Variants in NOSTRIN observed in about 807,000 individuals in gnomAD.
NOSTRIN encodes BM247 homolog.
Under a neutral mutation model 59.0 loss-of-function variants are expected in NOSTRIN, and 63 were observed. The ratio of observed to expected loss-of-function variants is 1.07; its 90% CI spans 0.87 to 1.32. NOSTRIN has a LOEUF of 1.32. Among genes scored for constraint, NOSTRIN ranks in the 40% most tolerant of loss-of-function variants. The pLI, the probability that NOSTRIN is intolerant of heterozygous loss-of-function variation, is 0.00. For synonymous variants in NOSTRIN, 200 were observed against 165.4 expected (o/e 1.21, Z -1.61); for missense variants, 512 against 473.1 (o/e 1.08, Z -0.76).
chr2:168,828,251 C>T (rs1311680442), intron 4 of NOSTRIN, 31 bp downstream of exon 4: 3 of 872,898 alleles, frequency 3.4e-6, no homozygotes, highest in Non-Finnish European at 6.0e-6. Context: ...CTTTCTCCAA[C>T]TCCAAAGGGA....
At position 168,834,250 on chromosome 2, in the gene NOSTRIN, T is replaced by C. The variant is rs775793562; in HGVS notation, c.429T>C (p.Ser143=). The change falls in exon 7 of 16, where the codon AGT becomes AGC. Residue 143 remains serine (S), a synonymous_variant. Transcript: ENST00000317647. ...QIKAKKKLMV[S]TKKHEALFQL... ...AGGCCAAGAAGAAATTAATGGTTAG[T>C]ACCAAGAAACATGAAGCACTTTTCC... The C allele has an allele frequency of 3.0e-5, 26 of 872,802 alleles. No individual in the cohort carries two copies. Among genetic ancestry groups the C allele is most frequent in the Non-Finnish European group, 5.0e-5 (25 of 501,670 alleles). The allele number at this position is 872,802 out of a possible 1,614,324, so 54.1% of individuals were successfully genotyped here. A position where few individuals can be genotyped will look rare whatever the true frequency, so the allele number is the denominator to read the frequency against.
chr2:168,799,342 C>G (rs1020973057), upstream of NOSTRIN, among the ~76,000 whole-genome samples: 1 of 152,100 alleles, frequency 6.6e-6, no homozygotes, highest in African/African-American at 2.4e-5. Flanking sequence ...ATATTAATTC[C>G]AAAACTACAA....
At chr2:168,857,177 A>G (rs967553757) in intron 12 of NOSTRIN, among the ~76,000 whole-genome samples, 1 of 152,218 alleles carries the variant, frequency 6.6e-6, no homozygotes, top group Non-Finnish European at 1.5e-5. Context: ...CTCATCCGCA[A>G]AATGGGGATA....
intron 2 of NOSTRIN, among the ~76,000 whole-genome samples, chr2:168,824,238 T>C (rs992185546): frequency 3.9e-5 from 6 of 152,222 alleles, no homozygotes; most frequent in African/African-American, 1.4e-4. Context: ...CCTTCTTGCA[T>C]ACATGTGTGC....
At chr2:168,828,034 T>C (rs1163318287) in intron 3 of NOSTRIN, 124 bp from the exon 4 acceptor site, 2 of 717,230 alleles carry the variant, frequency 2.8e-6, no homozygotes, top group Middle Eastern at 2.9e-4. Flanking sequence ...TGAAATAAGG[T>C]TAGGGAAGTG....
intron 8 of NOSTRIN, among the ~76,000 whole-genome samples, chr2:168,848,499 T>C (rs1688560258): frequency 6.6e-6 from 1 of 152,250 alleles, no homozygotes; most frequent in African/African-American, 2.4e-5. Context: ...CAGATGTTCA[T>C]AGTTACTGCC....
intron 15 of NOSTRIN, chr2:168,863,290 G>A (rs1003000912): frequency 7.9e-6 from 4 of 507,210 alleles, no homozygotes; most frequent in Non-Finnish European, 1.0e-5. Flanking sequence ...CTTAGAGACC[G>A]AGAATAATGT....
At chr2:168,804,249 T>C (rs868682130) in intron 1 of NOSTRIN, among the ~76,000 whole-genome samples, 79 of 152,286 alleles carry the variant, frequency 5.2e-4, no homozygotes, top group Non-Finnish European at 4.3e-4. Flanking sequence ...AAAGCTCCAC[T>C]CCCTGGCATG....
At chr2:168,842,793 G>A (rs1459555334) in intron 7 of NOSTRIN, among the ~76,000 whole-genome samples, 199 bp from the exon 8 acceptor site, 1 of 152,140 alleles carries the variant, frequency 6.6e-6, no homozygotes, top group Non-Finnish European at 1.5e-5. Context: ...ATACTGGAAG[G>A]CCCTTGGGTT....
exon 2 of NOSTRIN, chr2:168,787,876 AGAG>A (rs1284713987): frequency 1.3e-5 from 1 of 77,662 alleles, no homozygotes; most frequent in African/African-American, 2.8e-5. Context: ...CTGAAGCACA[AGAG>A]GGTAAAAACT....
chr2:168,862,127 G>A lies in NOSTRIN; in HGVS notation c.1384+78G>A, dbSNP rs114709581. The A allele has an allele frequency of 8.6e-4, 1,136 of 1,316,828 alleles. 10 individuals carry two copies. In the African/African-American group the frequency reaches 0.015, roughly 18 times the overall value. 81.6% of individuals were successfully genotyped at this position (1,316,828 alleles called of 1,614,324 possible). A position where few individuals can be genotyped will look rare whatever the true frequency, so the allele number is the denominator to read the frequency against. On this transcript the variant is annotated intron_variant, in intron 15 of 15. Transcript: ENST00000317647. ...CATGAATAAAACCCTGTCTTAGTGT[G>A]GCAGCCTTAAGAGTTACTACCATGT...
chr2:168,834,045 T>A, intron 6 of NOSTRIN, 182 bp from the exon 7 acceptor site: 2 of 534,080 alleles, frequency 3.7e-6, no homozygotes, highest in Non-Finnish European at 6.7e-6. Context: ...TTAGGTACAT[T>A]TTGAAGTGAG....
At chr2:168,834,375 T>C (rs747600062) in intron 7 of NOSTRIN, 50 bp downstream of exon 7, 2 of 844,488 alleles carry the variant, frequency 2.4e-6, no homozygotes, top group South Asian at 2.7e-5. Context: ...AGGGATGGAC[T>C]TGCTGCCCTT....
intron 2 of NOSTRIN, among the ~76,000 whole-genome samples, chr2:168,816,280 A>G (rs925684805): frequency 3.3e-5 from 5 of 151,448 alleles, no homozygotes; most frequent in African/African-American, 1.2e-4. Context: ...CGCGCCTTTC[A>G]CTCTGTAGCC....
intron 7 of NOSTRIN, among the ~76,000 whole-genome samples, chr2:168,839,005 G>A (rs964546227): frequency 1.5e-4 from 23 of 151,810 alleles, no homozygotes; most frequent in African/African-American, 5.6e-4. Context: ...GGCTGTTCTC[G>A]AACTCCTGAC....
chr2:168,849,826 C>G (rs906038270), intron 8 of NOSTRIN, among the ~76,000 whole-genome samples: 1 of 152,036 alleles, frequency 6.6e-6, no homozygotes, highest in Non-Finnish European at 1.5e-5. Flanking sequence ...CCAGCCTTCT[C>G]TAAGAATGCT....
intron 12 of NOSTRIN, 142 bp downstream of exon 12, chr2:168,856,920 G>T: frequency 1.4e-6 from 1 of 691,644 alleles, no homozygotes; most frequent in Non-Finnish European, 2.5e-6. Context: ...TATAGGGTCA[G>T]CTTCATAAGT....
At chr2:168,798,492 T>G (rs1482811312), upstream of NOSTRIN, among the ~76,000 whole-genome samples, 1 of 152,032 alleles carries the variant, frequency 6.6e-6, no homozygotes, top group African/African-American at 2.4e-5. Flanking sequence ...AAAGTTGGAG[T>G]CCAGCAGAGC....
chr2:168,843,972 C>T (rs949332606), intron 8 of NOSTRIN, among the ~76,000 whole-genome samples: 1 of 152,210 alleles, frequency 6.6e-6, no homozygotes, highest in African/African-American at 2.4e-5. Context: ...AGAAGAATTA[C>T]TCTTCAAATA....
Sources: gnomAD v4.1 joint callset for allele counts (sites outside exome capture counted in the v4.1 genomes callset) on GRCh38, gnomAD v4.1.1 for gene constraint, MANE v1.5 for transcripts, NCBI Gene and HGNC (gene_info 2026-07-23, HGNC 2026-07-21) for gene names.